Variants in PITPNC1 observed in about 807,000 individuals in gnomAD.
The protein encoded by PITPNC1 is phosphatidylinositol transfer protein cytoplasmic 1, also known as cytoplasmic phosphatidylinositol transfer protein 1.
A neutral mutation model predicts 44.7 loss-of-function variants in PITPNC1; 18 were observed. That is an observed-to-expected ratio of 0.40 (90% CI 0.28 to 0.60). The LOEUF (loss-of-function observed/expected upper bound fraction) is 0.60. PITPNC1 is among the 20% of genes least tolerant of loss of function. The pLI, the probability that PITPNC1 is intolerant of heterozygous loss-of-function variation, is 0.39. For missense variants in PITPNC1, 290 were observed against 418.4 expected (o/e 0.69, Z 2.68); for synonymous variants, 141 against 149.6 (o/e 0.94, Z 0.42).
chr17:67,529,119 C>T (rs1440227043), intron 1 of PITPNC1, among the ~76,000 whole-genome samples: 1 of 152,146 alleles, frequency 6.6e-6, no homozygotes, highest in Non-Finnish European at 1.5e-5. Flanking sequence ...TGCCCCGCGC[C>T]GGCTCATTCA....
chr17:67,406,428 T>C (rs573260581), intron 1 of PITPNC1, among the ~76,000 whole-genome samples: 1 of 152,336 alleles, frequency 6.6e-6, no homozygotes, highest in Admixed American at 6.5e-5. Context: ...CTTATGGATT[T>C]GCCTATTCTG....
chr17:67,436,920 T>TTTG (rs2038946202), intron 1 of PITPNC1, among the ~76,000 whole-genome samples: 1 of 125,796 alleles, frequency 7.9e-6, no homozygotes, highest in Non-Finnish European at 1.7e-5. Flanking sequence ...TTTTTTTTTT[T>TTTG]TTTTTTTTTT....
chr17:67,483,502 A>G (rs1482788950), intron 1 of PITPNC1, among the ~76,000 whole-genome samples: 6 of 152,222 alleles, frequency 3.9e-5, no homozygotes, highest in East Asian at 1.9e-4. Flanking sequence ...AAGCAATACC[A>G]TCTTTTAGAA....
At chr17:67,467,054 ATTTTTT>A (rs10623552) in intron 1 of PITPNC1, among the ~76,000 whole-genome samples, 7 of 95,340 alleles carry the variant, frequency 7.3e-5, no homozygotes, top group Non-Finnish European at 1.4e-4. Context: ...CAGTTAGGAG[ATTTTTT>A]TTTTTTTTTT....
At chr17:67,686,650 T>G (rs951479420) in intron 8 of PITPNC1, among the ~76,000 whole-genome samples, 2 of 152,230 alleles carry the variant, frequency 1.3e-5, no homozygotes, top group Non-Finnish European at 2.9e-5. Flanking sequence ...TTGAATGCAT[T>G]GATTTAAACA....
At chr17:67,522,766 G>A (rs367576464) in intron 1 of PITPNC1, among the ~76,000 whole-genome samples, 3 of 149,944 alleles carry the variant, frequency 2.0e-5, no homozygotes, top group African/African-American at 4.9e-5. Flanking sequence ...GGGCTCAAGC[G>A]ATCATCCCGC....
At chr17:67,419,916 C>CAA (rs200551679) in intron 1 of PITPNC1, among the ~76,000 whole-genome samples, 36 of 140,876 alleles carry the variant, frequency 2.6e-4, no homozygotes, top group East Asian at 1.4e-3. Flanking sequence ...GACCCTGTCT[C>CAA]AAAAAAAAAA....
At chr17:67,495,037 G>GTTTTTTTTTT (rs2039925221) in intron 1 of PITPNC1, among the ~76,000 whole-genome samples, 24 of 79,376 alleles carry the variant, frequency 3.0e-4, no homozygotes, top group South Asian at 9.9e-4. Context: ...GAGCCATGGA[G>GTTTTTTTTTT]TTGTTTTTTT....
chr17:67,476,699 G>GGTCTTGA (rs996188999), intron 1 of PITPNC1, among the ~76,000 whole-genome samples: 13 of 152,046 alleles, frequency 8.6e-5, no homozygotes, highest in Admixed American at 7.9e-4. Flanking sequence ...TGCCCAGGCT[G>GGTCTTGA]GTCTTGAATT....
In PITPNC1 at chr17:67,508,001, C is replaced by T. The variant is rs1024521548; in HGVS notation, c.49-24801C>T. 6.6e-6 allele frequency among the ~76,000 whole-genome samples: 1 copy of T among 152,126 alleles called. No individual in the cohort carries two copies. Among genetic ancestry groups the T allele is most frequent in the African/African-American group, 2.4e-5 (1 of 41,420 alleles). On this transcript the variant is annotated intron_variant, in intron 1 of 8. Coordinates refer to ENST00000581322, the MANE Select transcript of PITPNC1 (RefSeq NM_012417.4). The surrounding 1 kb of genome is among the most constrained non-coding windows in gnomAD (Gnocchi z 4.2). Reference sequence around the variant, plus strand: ...AAACATGTCCAGGCCACCTAGTTGTCCCCGGAATCCTTAACCTCACAGGAA... The same window carrying T: ...AAACATGTCCAGGCCACCTAGTTGTTCCCGGAATCCTTAACCTCACAGGAA...
chr17:67,562,228 A>G (rs2040914948), intron 4 of PITPNC1, among the ~76,000 whole-genome samples: 1 of 152,222 alleles, frequency 6.6e-6, no homozygotes. Flanking sequence ...CCATGAGTGA[A>G]TGAACTAATG....
intron 1 of PITPNC1, among the ~76,000 whole-genome samples, chr17:67,434,501 A>G (rs1421597263): frequency 6.6e-6 from 1 of 152,124 alleles, no homozygotes; most frequent in Non-Finnish European, 1.5e-5. Context: ...GTAGAGGGGC[A>G]GGCTGTGCTT....
At chr17:67,537,123 T>A (rs1354666560) in intron 2 of PITPNC1, among the ~76,000 whole-genome samples, 1 of 152,192 alleles carries the variant, frequency 6.6e-6, no homozygotes, top group Non-Finnish European at 1.5e-5. Flanking sequence ...ATTGATGAAA[T>A]TAACATTTAA....
intron 1 of PITPNC1, among the ~76,000 whole-genome samples, chr17:67,436,570 G>A (rs895631425): frequency 6.6e-6 from 1 of 152,150 alleles, no homozygotes; most frequent in African/African-American, 2.4e-5. Context: ...AGCGTTCGGG[G>A]CCTGGCTGGG....
At chr17:67,403,154 G>T (rs915145345) in intron 1 of PITPNC1, among the ~76,000 whole-genome samples, 1 of 138,786 alleles carries the variant, frequency 7.2e-6, no homozygotes, top group Non-Finnish European at 1.5e-5. Context: ...GGGCCAAGGC[G>T]GGAGGATTGC....
intron 6 of PITPNC1, among the ~76,000 whole-genome samples, chr17:67,636,235 T>C (rs1490416325): frequency 6.8e-6 from 1 of 146,844 alleles, no homozygotes; most frequent in South Asian, 2.1e-4. Context: ...GAGGCCGAGA[T>C]TGCGCTACTG....
intron 6 of PITPNC1, among the ~76,000 whole-genome samples, chr17:67,640,991 A>G (rs2042087322): frequency 6.6e-6 from 1 of 150,950 alleles, no homozygotes; most frequent in Admixed American, 6.6e-5. Context: ...CCCTGTCTCA[A>G]AAAAAAAAGA....
rs1250595111 is a variant in PITPNC1, at chr17:67,508,305, C to T, written c.49-24497C>T. On this transcript the variant is annotated intron_variant, in intron 1 of 8. Coordinates refer to ENST00000581322, the MANE Select transcript of PITPNC1 (RefSeq NM_012417.4). This position sits in a 1 kb window ranked among gnomAD's most constrained non-coding sequence, Gnocchi z 4.2. ...TCCATAAACAGAGCAGCCTGGAGGG[C>T]TGCTGGTTGCCCAGTTTTACGGTTA... is the stretch of plus-strand genomic sequence containing the variant. Among the ~76,000 whole-genome samples the T allele has an allele frequency of 6.6e-6, 1 of 152,212 alleles. No homozygotes were observed. Among genetic ancestry groups the T allele is most frequent in the African/African-American group, 2.4e-5 (1 of 41,460 alleles).
Position 67,655,514 on chromosome 17 carries a change from C to T in PITPNC1, c.463-13994C>T, listed in dbSNP as rs528562725. Reference sequence around the variant, plus strand: ...GGCGAGGCTTGTAGTGAGCTGAGGTCGCACCACTGCACTCCAGCCTGGACA... The same window carrying T: ...GGCGAGGCTTGTAGTGAGCTGAGGTTGCACCACTGCACTCCAGCCTGGACA... On this transcript the variant is annotated intron_variant, in intron 6 of 8. Coordinates refer to ENST00000581322, the MANE Select transcript of PITPNC1 (RefSeq NM_012417.4). 3.1e-4 allele frequency among the ~76,000 whole-genome samples: 44 copies of T among 141,388 alleles called. No individual in the cohort carries two copies. In the South Asian group the frequency reaches 8.2e-3, roughly 27 times the overall value. 92.8% of individuals were successfully genotyped at this position (141,388 alleles called of 152,430 possible). A position where few individuals can be genotyped will look rare whatever the true frequency, so the allele number is the denominator to read the frequency against.
Sources: gnomAD v4.1 joint callset for allele counts (sites outside exome capture counted in the v4.1 genomes callset) on GRCh38, gnomAD v4.1.1 for gene constraint, Gnocchi (gnomAD v3.1) non-coding constraint, MANE v1.5 for transcripts, NCBI Gene and HGNC (gene_info 2026-07-23, HGNC 2026-07-21) for gene names.